PHACTR4: variants seen among roughly 807,000 people sequenced by gnomAD.
PHACTR4 encodes the protein phosphatase and actin regulator 4.
PHACTR4 carries 51 observed loss-of-function variants against 72.7 expected under a neutral mutation model. That is an observed-to-expected ratio of 0.70 (90% CI 0.56 to 0.89). The LOEUF is 0.89. Ranked by LOEUF, PHACTR4 falls within the 40% of genes least tolerant of loss-of-function variation. The pLI is 0.00. For synonymous variants in PHACTR4, 255 were observed against 302.5 expected, an observed-to-expected ratio of 0.84 and a Z score of 1.63; for missense variants, 731 against 861.8, an observed-to-expected ratio of 0.85 and a Z score of 1.90.
At chr1:28,379,781 G>A (rs1321345680) in intron 1 of PHACTR4, among the ~76,000 whole-genome samples, 1 of 150,930 alleles carries the variant, frequency 6.6e-6, no homozygotes, top group Non-Finnish European at 1.5e-5. Context: ...AGTAGAGACG[G>A]GGTTTCACCG....
At chr1:28,385,772 C>T (rs1182297456) in intron 1 of PHACTR4, among the ~76,000 whole-genome samples, 2 of 150,512 alleles carry the variant, frequency 1.3e-5, no homozygotes, top group Non-Finnish European at 3.0e-5. Flanking sequence ...TGTGCCACCA[C>T]GCCCAGCTAA....
chr1:28,388,189 C>A (rs1569781763), intron 1 of PHACTR4, among the ~76,000 whole-genome samples: 2 of 150,340 alleles, frequency 1.3e-5, no homozygotes, highest in African/African-American at 2.4e-5. Context: ...GACTCTGTCT[C>A]AAAAAAAACA....
chr1:28,384,590 T>C (rs1212025875), intron 1 of PHACTR4, among the ~76,000 whole-genome samples: 1 of 152,192 alleles, frequency 6.6e-6, no homozygotes, highest in African/African-American at 2.4e-5. Flanking sequence ...TCTGTTGTAT[T>C]ACTTTTTTCA....
chr1:28,494,983 A>G (rs1661259368), intron 13 of PHACTR4, among the ~76,000 whole-genome samples: 1 of 152,220 alleles, frequency 6.6e-6, no homozygotes, highest in Non-Finnish European at 1.5e-5. Context: ...GGTAGCTCAC[A>G]CCAGAGATAG....
At position 28,497,429 on chromosome 1, in the gene PHACTR4, T is replaced by G. The variant is rs1353785889; in HGVS notation, c.*880T>G. The G allele has an allele frequency of 6.6e-6, 1 of 150,992 alleles. No individual in the cohort carries two copies. Among genetic ancestry groups the G allele is most frequent in the Non-Finnish European group, 1.5e-5 (1 of 67,926 alleles). The allele number at this position is 150,992 out of a possible 1,614,324, so 9.4% of individuals were successfully genotyped here. A position where few individuals can be genotyped will look rare whatever the true frequency, so the allele number is the denominator to read the frequency against. On this transcript the variant is annotated 3_prime_UTR_variant, in exon 14 of 14. Transcript: ENST00000373839. Reference sequence around the variant, plus strand: ...TTAGCCAGGTGTGGTGGCGCCTGGTTGAGGCATGAGAATCGCTTGAACCCA... The same window carrying G: ...TTAGCCAGGTGTGGTGGCGCCTGGTGGAGGCATGAGAATCGCTTGAACCCA...
At chr1:28,448,797 G>A (rs1452367496) in intron 2 of PHACTR4, among the ~76,000 whole-genome samples, 2 of 120,114 alleles carry the variant, frequency 1.7e-5, no homozygotes, top group Non-Finnish European at 3.3e-5. Context: ...CTGATAAGGT[G>A]TAAAACATAC....
intron 9 of PHACTR4, among the ~76,000 whole-genome samples, chr1:28,482,829 T>C (rs1660362650): frequency 6.6e-6 from 1 of 151,620 alleles, no homozygotes; most frequent in South Asian, 2.1e-4. Context: ...AGTCCAGCTA[T>C]TCTGGAAGCT....
At chr1:28,440,191 A>G (rs1656906599) in intron 2 of PHACTR4, among the ~76,000 whole-genome samples, 2 of 150,140 alleles carry the variant, frequency 1.3e-5, no homozygotes, top group Non-Finnish European at 3.0e-5. Flanking sequence ...AGCCCCAGCT[A>G]CTCGGGAGGC....
At chr1:28,394,643 C>T (rs891028652) in intron 1 of PHACTR4, among the ~76,000 whole-genome samples, 2 of 150,350 alleles carry the variant, frequency 1.3e-5, no homozygotes, top group African/African-American at 2.4e-5. Context: ...GTTGCCCAGG[C>T]TGGAGTGCAG....
chr1:28,402,274 A>C (rs540050303), intron 1 of PHACTR4, among the ~76,000 whole-genome samples: 4 of 152,242 alleles, frequency 2.6e-5, no homozygotes, highest in Admixed American at 2.6e-4. Flanking sequence ...GGGGGGGAAA[A>C]AATTGGGAGT....
At chr1:28,375,576 C>T (rs902189737) in intron 1 of PHACTR4, among the ~76,000 whole-genome samples, 2 of 151,978 alleles carry the variant, frequency 1.3e-5, no homozygotes, top group African/African-American at 4.8e-5. Flanking sequence ...CTCCCAGTTA[C>T]TCAGGAAGCT....
rs746736205 is a variant in PHACTR4 at position 28,468,157 on chromosome 1, G to A, written c.823+1389G>A. Among the ~76,000 whole-genome samples, 6 of 152,170 alleles carry A rather than the reference G, an allele frequency of 3.9e-5. No individual in the cohort carries two copies. The East Asian group carries it at 5.8e-4, about 15-fold the overall frequency. On this transcript the variant is annotated intron_variant, in intron 6 of 13. Coordinates refer to ENST00000373839, the MANE Select transcript of PHACTR4 (RefSeq NM_001048183.3). ...AGTTGTTATTACCACCACTTTGGATGGATAGTGTCATGTTGACTTATCTGT... is the reference window on the plus strand; with the variant it reads ...AGTTGTTATTACCACCACTTTGGATAGATAGTGTCATGTTGACTTATCTGT...
intron 5 of PHACTR4, 130 bp downstream of exon 5, chr1:28,465,979 T>A: frequency 1.1e-6 from 1 of 894,814 alleles, no homozygotes; most frequent in Non-Finnish European, 1.6e-6. Flanking sequence ...ATACCTTAAC[T>A]AGCAACTTCA....
At chr1:28,401,608 TTTG>T (rs1653952040) in intron 1 of PHACTR4, among the ~76,000 whole-genome samples, 1 of 151,840 alleles carries the variant, frequency 6.6e-6, no homozygotes, top group Non-Finnish European at 1.5e-5. Context: ...TGCCCTTTTT[TTTG>T]TTGTTGTTAA....
intron 1 of PHACTR4, among the ~76,000 whole-genome samples, chr1:28,380,573 G>A (rs1156303784): frequency 6.6e-6 from 1 of 152,054 alleles, no homozygotes; most frequent in Non-Finnish European, 1.5e-5. Flanking sequence ...TTCTCATCAT[G>A]CAATATTTGG....
chr1:28,442,616 C>T (rs1308748934), intron 2 of PHACTR4, among the ~76,000 whole-genome samples: 2 of 151,954 alleles, frequency 1.3e-5, no homozygotes, highest in South Asian at 2.1e-4. Context: ...AAGTGATTCT[C>T]CTGTCTCATC....
At chr1:28,496,472 T>C (rs1661368879) in intron 13 of PHACTR4, 62 bp from the exon 14 acceptor site, 4 of 1,565,820 alleles carry the variant, frequency 2.6e-6, no homozygotes, top group Admixed American at 3.3e-5. Context: ...TTACTACTGA[T>C]ACATTAATAG....
chr1:28,423,692 C>G (rs1257254223), intron 2 of PHACTR4, among the ~76,000 whole-genome samples: 4 of 152,118 alleles, frequency 2.6e-5, no homozygotes, highest in Non-Finnish European at 5.9e-5. Flanking sequence ...CAGTTTTTAA[C>G]TTAGACCAGT....
chr1:28,467,463 G>A (rs1659265793), intron 6 of PHACTR4, among the ~76,000 whole-genome samples: 1 of 151,784 alleles, frequency 6.6e-6, no homozygotes, highest in Non-Finnish European at 1.5e-5. Flanking sequence ...CCACCTGCAT[G>A]GAATTATCTG....
Sources: gnomAD v4.1 joint callset for allele counts (sites outside exome capture counted in the v4.1 genomes callset) on GRCh38, gnomAD v4.1.1 for gene constraint, MANE v1.5 for transcripts, NCBI Gene and HGNC (gene_info 2026-07-23, HGNC 2026-07-21) for gene names.